SEC14L2: variants seen among roughly 807,000 people sequenced by gnomAD.
SEC14L2 encodes the protein SEC14 like lipid binding 2.
A neutral mutation model predicts 56.9 loss-of-function variants in SEC14L2; 50 were observed. The observed-to-expected ratio is 0.88, with a 90% CI of 0.70 to 1.11. The LOEUF is 1.11. Among genes scored for constraint, SEC14L2 ranks in the 50% most tolerant of loss-of-function variants. The pLI, the probability that SEC14L2 is intolerant of heterozygous loss-of-function variation, is 0.00. For missense variants in SEC14L2, 414 were observed against 500.7 expected (o/e 0.83, Z 1.65); for synonymous variants, 179 against 188.5 (o/e 0.95, Z 0.41).
intron 2 of SEC14L2, among the ~76,000 whole-genome samples, chr22:30,401,523 AT>A (rs1000744980): frequency 1.7e-4 from 25 of 145,706 alleles, no homozygotes; most frequent in Admixed American, 1.6e-3. Flanking sequence ...TATTATTTTT[AT>A]TTTTTTTGAG....
intron 8 of SEC14L2, among the ~76,000 whole-genome samples, chr22:30,411,742 C>CTAAAAAAAAA (rs1934254175): frequency 1.5e-5 from 1 of 67,810 alleles, no homozygotes; most frequent in Non-Finnish European, 2.5e-5. Flanking sequence ...GACTCCGTCT[C>CTAAAAAAAAA]AAAAAAAAAA....
intron 7 of SEC14L2, 71 bp downstream of exon 7, chr22:30,409,557 A>C: frequency 7.2e-7 from 1 of 1,392,242 alleles, no homozygotes; most frequent in South Asian, 1.2e-5. Flanking sequence ...CGGCAGATGG[A>C]GGGTCAAACA....
rs758912520 is a variant in SEC14L2 at position 30,399,715 on chromosome 22, C to T, written c.127C>T (p.Arg43Ter). 6.8e-6 allele frequency: 11 copies of T among 1,613,158 alleles called. No individual in the cohort carries two copies. Among genetic ancestry groups the T allele is most frequent in the African/African-American group, 2.7e-5 (2 of 74,856 alleles). ...TGACTATTTTCTCCTGCGTTGGCTC[C>T]GAGGTGAGGGAAGAGGGGCTGCGGG... ...PDDYFLLRWL[R>*]ARSFDLQKSE... The change falls in exon 2 of 12, where the codon CGA becomes TGA. Residue 43 changes from arginine to a stop codon, truncating the protein, a stop_gained. Coordinates refer to ENST00000615189, the MANE Select transcript of SEC14L2 (RefSeq NM_012429.5). LOFTEE classifies it high-confidence loss of function.
chr22:30,411,741 T>TAAAAAAAAAAA (rs1934253721), intron 8 of SEC14L2, among the ~76,000 whole-genome samples: 1 of 2,938 alleles, frequency 3.4e-4, no homozygotes, highest in Non-Finnish European at 6.2e-4. Context: ...AGACTCCGTC[T>TAAAAAAAAAAA]CAAAAAAAAA....
chr22:30,415,622 G>A lies in SEC14L2; in HGVS notation c.665-137G>A, dbSNP rs1934365866. 4 of 698,858 alleles carry A rather than the reference G, an allele frequency of 5.7e-6. No homozygotes were observed. In the East Asian group the frequency reaches 1.1e-4, roughly 19 times the overall value. The allele number at this position is 698,858 out of a possible 1,614,324, so 43.3% of individuals were successfully genotyped here. ...TATGCATGCACTGTGTGCTCCTAAT[G>A]CAGGAATTTGAGGCGGGGTGTTGTG... is the stretch of plus-strand genomic sequence containing the variant. On this transcript the variant is annotated intron_variant, in intron 8 of 11. Coordinates refer to ENST00000615189, the MANE Select transcript of SEC14L2 (RefSeq NM_012429.5).
Position 30,423,825 on chromosome 22 carries a change from C to T in SEC14L2, c.*1418C>T, listed in dbSNP as rs999419304. Reference sequence around the variant, plus strand: ...TAGGAAAATTAACCAATGAATAAAGCAACGTTCAGTGCGCAGGGAGTGAAA... The same window carrying T: ...TAGGAAAATTAACCAATGAATAAAGTAACGTTCAGTGCGCAGGGAGTGAAA... On this transcript the variant is annotated 3_prime_UTR_variant, in exon 12 of 12. Coordinates refer to ENST00000615189, the MANE Select transcript of SEC14L2 (RefSeq NM_012429.5). 1 of 152,316 alleles carries T rather than the reference C, an allele frequency of 6.6e-6. No homozygotes were observed. Among genetic ancestry groups the T allele is most frequent in the Admixed American group, 6.5e-5 (1 of 15,288 alleles). The allele number at this position is 152,316 out of a possible 1,614,324, so 9.4% of individuals were successfully genotyped here. A position where few individuals can be genotyped will look rare whatever the true frequency, so the allele number is the denominator to read the frequency against.
Position 30,422,815 on chromosome 22 carries a change from A to G in SEC14L2, c.*408A>G. ...AAACTTGCTCCTAAATGAACACATA[A>G]GTTTAGATCGCAATGAGGAGTAGCA... On this transcript the variant is annotated 3_prime_UTR_variant, in exon 12 of 12. Transcript: ENST00000615189. 6.1e-6 allele frequency: 1 copy of G among 163,448 alleles called. No homozygotes were observed. Among genetic ancestry groups the G allele is most frequent in the Non-Finnish European group, 1.3e-5 (1 of 74,346 alleles). 10.1% of individuals were successfully genotyped at this position (163,448 alleles called of 1,614,324 possible). A position where few individuals can be genotyped will look rare whatever the true frequency, so the allele number is the denominator to read the frequency against.
At chr22:30,402,316 C>T (rs1569205355) in intron 2 of SEC14L2, among the ~76,000 whole-genome samples, 1 of 152,106 alleles carries the variant, frequency 6.6e-6, no homozygotes, top group Non-Finnish European at 1.5e-5. Flanking sequence ...GGGGGAGAAG[C>T]ATGGTTTCTG....
At chr22:30,411,996 G>A (rs1161586947) in intron 8 of SEC14L2, among the ~76,000 whole-genome samples, 2 of 152,158 alleles carry the variant, frequency 1.3e-5, no homozygotes, top group East Asian at 3.8e-4. Flanking sequence ...AGAAAGAAGA[G>A]CATTGAACAA....
At position 30,409,192 on chromosome 22, in the gene SEC14L2, G is replaced by A. The variant is rs748568699; in HGVS notation, c.429G>A (p.Gly143=). 3 of 1,613,898 alleles carry A rather than the reference G, an allele frequency of 1.9e-6. No individual in the cohort carries two copies. Among genetic ancestry groups the A allele is most frequent in the South Asian group, 1.1e-5 (1 of 91,080 alleles). The change falls in exon 6 of 12, where the codon GGG becomes GGA. Residue 143 remains glycine (G), a synonymous_variant. Coordinates refer to ENST00000615189, the MANE Select transcript of SEC14L2 (RefSeq NM_012429.5). ...QECAHQTTKL[G]RKVETITIIY... ...CTGCTCTCTGTTCCCTGCAGTTGGG[G>A]AGGAAGGTGGAGACCATCACCATAA...
chr22:30,421,428 G>A (rs547813756), intron 11 of SEC14L2: 24 of 152,348 alleles, frequency 1.6e-4, no homozygotes, highest in Non-Finnish European at 3.1e-4. Flanking sequence ...TTGGCCTCAG[G>A]ACACATTGTG....
intron 8 of SEC14L2, among the ~76,000 whole-genome samples, chr22:30,411,070 C>G (rs1323032261): frequency 6.6e-6 from 1 of 151,994 alleles, no homozygotes; most frequent in Non-Finnish European, 1.5e-5. Flanking sequence ...CAAGACCAGC[C>G]TGGGCAACAA....
intron 2 of SEC14L2, among the ~76,000 whole-genome samples, chr22:30,402,255 T>G (rs1033879744): frequency 6.6e-6 from 1 of 152,070 alleles, no homozygotes; most frequent in Non-Finnish European, 1.5e-5. Flanking sequence ...GATAGTAGCC[T>G]TCTTAAAGGG....
chr22:30,399,366 AT>A (rs974687066), intron 1 of SEC14L2, among the ~76,000 whole-genome samples: 43 of 151,818 alleles, frequency 2.8e-4, no homozygotes, highest in Non-Finnish European at 5.0e-4. Context: ...AATACAAAAA[AT>A]AGCCAGGCGT....
At chr22:30,416,816 C>T in intron 11 of SEC14L2, 1 of 1,138,256 alleles carries the variant, frequency 8.8e-7, no homozygotes, top group Middle Eastern at 3.8e-4. Context: ...GTGCAGCCTT[C>T]ACCCCTGAGT....
Position 30,406,345 on chromosome 22 carries a change from G to A in SEC14L2, c.134G>A (p.Arg45Lys). Residue 45 changes from arginine (R) to lysine (K), a missense_variant, in exon 3 of 12, where the codon AGA becomes AAA. Physicochemically the swap from Arg to Lys is conservative, Grantham distance 26. Transcript: ENST00000615189. The part of the protein sequence containing the change: ...DYFLLRWLRA[R>K]SFDLQKSEAM... ...CAGAACTGTTTCCCTGTTACAGCCAGAAGCTTCGACCTGCAGAAGTCGGAG... is the reference window on the plus strand; with the variant it reads ...CAGAACTGTTTCCCTGTTACAGCCAAAAGCTTCGACCTGCAGAAGTCGGAG... 6.2e-7 allele frequency: 1 copy of A among 1,614,090 alleles called. No homozygotes were observed. Among genetic ancestry groups the A allele is most frequent in the Non-Finnish European group, 8.5e-7 (1 of 1,179,990 alleles).
At position 30,409,246 on chromosome 22, in the gene SEC14L2, G is replaced by A; in HGVS notation, c.483G>A (p.Lys161=). 1 of 1,613,896 alleles carries A rather than the reference G, an allele frequency of 6.2e-7. No individual in the cohort carries two copies. Among genetic ancestry groups the A allele is most frequent in the Non-Finnish European group, 8.5e-7 (1 of 1,180,012 alleles). Residue 161 remains lysine (K), a synonymous_variant, in exon 6 of 12, where the codon AAG becomes AAA. Coordinates refer to ENST00000615189, the MANE Select transcript of SEC14L2 (RefSeq NM_012429.5). ...ATGACTGCGAGGGGCTTGGCCTCAA[G>A]CATCTCTGGAAGCCTGCTGTGGAGG... ...IIYDCEGLGL[K]HLWKPAVEAY... is the part of the protein sequence containing the mutation.
In SEC14L2 at chr22:30,410,585, C is replaced by T; in HGVS notation, c.581-11C>T. On this transcript the variant is annotated splice_polypyrimidine_tract_variant and intron_variant, in intron 7 of 11. Coordinates refer to ENST00000615189, the MANE Select transcript of SEC14L2 (RefSeq NM_012429.5). Reference sequence around the variant, plus strand: ...TGCTCCCAGCCTCACATTATCTGGTCTCTGTTCCAGCCCCCAAACTGTTTC... The same window carrying T: ...TGCTCCCAGCCTCACATTATCTGGTTTCTGTTCCAGCCCCCAAACTGTTTC... 1 of 1,613,516 alleles carries T rather than the reference C, an allele frequency of 6.2e-7. No individual in the cohort carries two copies. Among genetic ancestry groups the T allele is most frequent in the Admixed American group, 1.7e-5 (1 of 60,036 alleles).
intron 11 of SEC14L2, among the ~76,000 whole-genome samples, chr22:30,417,990 T>C (rs1039767609): frequency 2.6e-5 from 4 of 152,146 alleles, no homozygotes; most frequent in African/African-American, 9.7e-5. Flanking sequence ...GTATACTGTG[T>C]GCTTCAGCAA....
Sources: allele counts gnomAD v4.1 joint callset (sites outside exome capture counted in the v4.1 genomes callset), GRCh38; gene constraint gnomAD v4.1.1; transcripts MANE v1.5; gene names NCBI Gene and HGNC (gene_info 2026-07-23, HGNC 2026-07-21).